PRKN: variants seen among roughly 807,000 people sequenced by gnomAD.
PRKN encodes the protein E3 ubiquitin-protein ligase parkin.
A neutral mutation model predicts 59.5 loss-of-function variants in PRKN; 56 were observed. The ratio of observed to expected loss-of-function variants is 0.94; its 90% confidence interval spans 0.76 to 1.18. The LOEUF (loss-of-function observed/expected upper bound fraction) is 1.18, where lower values mean the gene tolerates loss of function less well. PRKN is among the 50% of genes most tolerant of loss of function. The pLI, the probability that PRKN is intolerant of heterozygous loss-of-function variation, is 0.00. For missense variants in PRKN, 657 were observed against 596.4 expected, an observed-to-expected ratio of 1.10 and a Z score of -1.06; for synonymous variants, 250 against 222.1, an observed-to-expected ratio of 1.13 and a Z score of -1.12.
rs546478617 is a variant in PRKN, at chr6:162,186,253, C to T, written c.534+14878G>A. On this transcript the variant is annotated intron_variant, in intron 4 of 11. Coordinates refer to ENST00000366898, the MANE Select transcript of PRKN (RefSeq NM_004562.3). Reference sequence around the variant, plus strand: ...GAGATACTATAAACCAAAAGAGGTGCTGATTGCCTATGTGAATTTACAAAT... The same window carrying T: ...GAGATACTATAAACCAAAAGAGGTGTTGATTGCCTATGTGAATTTACAAAT... Among the ~76,000 whole-genome samples, 71 of 151,838 alleles carry T rather than the reference C, an allele frequency of 4.7e-4. No individual in the cohort carries two copies. In the South Asian group the frequency reaches 5.2e-3, roughly 11 times the overall value.
At chr6:162,018,259 C>T (rs1282362647) in intron 5 of PRKN, among the ~76,000 whole-genome samples, 1 of 152,112 alleles carries the variant, frequency 6.6e-6, no homozygotes, top group Non-Finnish European at 1.5e-5. Context: ...ATCTCCTGAC[C>T]TCGTGATCCA....
At chr6:162,410,442 G>C (rs987605655) in intron 2 of PRKN, among the ~76,000 whole-genome samples, 1 of 152,154 alleles carries the variant, frequency 6.6e-6, no homozygotes, top group African/African-American at 2.4e-5. Context: ...ATCTAGCCGG[G>C]TCTCCTCCTG....
intron 2 of PRKN, among the ~76,000 whole-genome samples, chr6:162,410,502 T>A (rs1429913232): frequency 6.6e-6 from 1 of 152,208 alleles, no homozygotes; most frequent in Non-Finnish European, 1.5e-5. Context: ...TTCGCTCGAC[T>A]GAAAGCAAGG....
intron 2 of PRKN, among the ~76,000 whole-genome samples, chr6:162,301,935 C>T (rs1341586676): frequency 6.6e-6 from 1 of 152,126 alleles, no homozygotes; most frequent in Non-Finnish European, 1.5e-5. Context: ...ACTACCTACG[C>T]AATATTCTCA....
chr6:162,043,560 T>C (rs1235028909), intron 5 of PRKN, among the ~76,000 whole-genome samples: 1 of 152,194 alleles, frequency 6.6e-6, no homozygotes, highest in Non-Finnish European at 1.5e-5. Flanking sequence ...GAGAAGGAGT[T>C]ACAGACAGAA....
intron 2 of PRKN, among the ~76,000 whole-genome samples, chr6:162,316,297 T>C (rs887883861): frequency 6.6e-6 from 1 of 151,904 alleles, no homozygotes; most frequent in Non-Finnish European, 1.5e-5. Context: ...CCAGTCATGA[T>C]ACCTCATGTC....
chr6:161,668,693 A>C (rs1012499106), intron 7 of PRKN, among the ~76,000 whole-genome samples: 1 of 152,214 alleles, frequency 6.6e-6, no homozygotes, highest in African/African-American at 2.4e-5. Flanking sequence ...TATATTGTGC[A>C]GAAAAAAATA....
rs148108488 is a variant in PRKN at position 162,473,909 on chromosome 6, G to A, written c.8-30436C>T. ...TATTAAAAATGTCACCATAATTATA[G>A]ATGTAGGTTAGCCTTTCTTTTACAA... On this transcript the variant is annotated intron_variant, in intron 1 of 11. Transcript: ENST00000366898. Among the ~76,000 whole-genome samples, 84 of 152,262 alleles carry A rather than the reference G, an allele frequency of 5.5e-4. No homozygotes were observed. The Middle Eastern group carries it at 0.014, about 25-fold the overall frequency.
chr6:161,925,382 T>C (rs1344576445), intron 6 of PRKN, among the ~76,000 whole-genome samples: 1 of 152,058 alleles, frequency 6.6e-6, no homozygotes, highest in East Asian at 1.9e-4. Context: ...CCATCCTGGC[T>C]AACAGGGTGA....
intron 4 of PRKN, among the ~76,000 whole-genome samples, chr6:162,136,789 C>T (rs2128309512): frequency 6.6e-6 from 1 of 152,198 alleles, no homozygotes; most frequent in East Asian, 1.9e-4. Context: ...CGGATCAATT[C>T]CAAGTAACAA....
chr6:162,267,776 A>G (rs934613064), intron 2 of PRKN, among the ~76,000 whole-genome samples: 7 of 152,162 alleles, frequency 4.6e-5, no homozygotes, highest in African/African-American at 1.7e-4. Flanking sequence ...TGACATGGAA[A>G]CATACCAGTA....
rs62435938 is a variant in PRKN at position 161,416,929 on chromosome 6, C to T, written c.1084-30052G>A. Among the ~76,000 whole-genome samples the T allele has an allele frequency of 7.6e-3, 1,159 of 152,168 alleles. 9 individuals carry two copies. The highest frequency in any genetic ancestry group is 0.013 in the Non-Finnish European group (913 of 68,026). On this transcript the variant is annotated intron_variant, in intron 9 of 11. Coordinates refer to ENST00000366898, the MANE Select transcript of PRKN (RefSeq NM_004562.3). ...AATGCAGGATTTGCATTGAAAGCCA[C>T]GTCTATTGGGGAAGCAGCTAAAGCT...
chr6:161,452,983 C>T (rs184925916), intron 9 of PRKN, among the ~76,000 whole-genome samples: 35 of 152,198 alleles, frequency 2.3e-4, no homozygotes, highest in Middle Eastern at 3.4e-3. Context: ...CTCAAGGTCA[C>T]GTCAGGCTTA....
intron 4 of PRKN, among the ~76,000 whole-genome samples, chr6:162,101,427 G>A (rs1256825664): frequency 6.6e-6 from 1 of 151,970 alleles, no homozygotes; most frequent in Non-Finnish European, 1.5e-5. Context: ...CCAGCACTTT[G>A]GGAGGCCGAG....
chr6:162,258,728 G>A (rs1351128932), intron 3 of PRKN, among the ~76,000 whole-genome samples: 1 of 152,134 alleles, frequency 6.6e-6, no homozygotes, highest in Non-Finnish European at 1.5e-5. Context: ...AGGTCCTCAG[G>A]TGATTCTGAT....
At chr6:162,001,639 G>T (rs566990762) in intron 5 of PRKN, among the ~76,000 whole-genome samples, 1 of 151,854 alleles carries the variant, frequency 6.6e-6, no homozygotes, top group East Asian at 1.9e-4. Flanking sequence ...TATATGTTTT[G>T]TTCCATTTTC....
intron 1 of PRKN, chr6:162,694,994 G>A (rs184159001): frequency 6.6e-6 from 1 of 152,274 alleles, no homozygotes; most frequent in Admixed American, 6.5e-5. Context: ...AAGCTTTGAA[G>A]TCAAATCCCA....
intron 9 of PRKN, among the ~76,000 whole-genome samples, chr6:161,450,059 C>G (rs1388198690): frequency 6.6e-6 from 1 of 152,178 alleles, no homozygotes; most frequent in Non-Finnish European, 1.5e-5. Flanking sequence ...TATCCTCCAG[C>G]CTCAAAATAC....
intron 4 of PRKN, among the ~76,000 whole-genome samples, chr6:162,097,076 C>A (rs1475625981): frequency 6.6e-6 from 1 of 151,998 alleles, no homozygotes; most frequent in Non-Finnish European, 1.5e-5. Flanking sequence ...CAGAGTTTCA[C>A]CATGTTGGTC....
Sources: allele counts gnomAD v4.1 joint callset (sites outside exome capture counted in the v4.1 genomes callset), GRCh38; gene constraint gnomAD v4.1.1; transcripts MANE v1.5; gene names NCBI Gene and HGNC (gene_info 2026-07-23, HGNC 2026-07-21).